The following CACNA2D1 variants were observed in gnomAD, a reference collection of about 807,000 sequenced individuals.
CACNA2D1 encodes voltage-dependent calcium channel subunit alpha-2/delta-1.
CACNA2D1 carries 53 observed loss-of-function variants against 171.5 expected under a neutral mutation model. The observed-to-expected ratio is 0.31, with a 90% confidence interval of 0.25 to 0.39. The LOEUF is 0.39. CACNA2D1 is among the 10% of genes least tolerant of loss of function. The pLI is 1.00. For missense variants in CACNA2D1, 903 were observed against 1,299.8 expected (o/e 0.69, Z 4.69); for synonymous variants, 442 against 443.1 (o/e 1.00, Z 0.03).
intron 6 of CACNA2D1, among the ~76,000 whole-genome samples, chr7:82,092,998 G>GT (rs113962217): frequency 0.041 from 6,263 of 150,924 alleles, 431 homozygotes; most frequent in African/African-American, 0.14. Context: ...AAAGTGTGTG[G>GT]TTTTTTTTTG....
At chr7:82,434,362 GA>G (rs752819750) in intron 1 of CACNA2D1, among the ~76,000 whole-genome samples, 20 of 152,148 alleles carry the variant, frequency 1.3e-4, no homozygotes, top group Admixed American at 2.6e-4. Context: ...TTTTTAAGTT[GA>G]GGGGTAAAAG....
intron 3 of CACNA2D1, among the ~76,000 whole-genome samples, chr7:82,297,801 A>C (rs1322634466): frequency 6.6e-6 from 1 of 152,178 alleles, no homozygotes; most frequent in Non-Finnish European, 1.5e-5. Flanking sequence ...CTATAAAACA[A>C]AACGACTAAT....
chr7:82,347,870 C>T (rs760361492), intron 2 of CACNA2D1, among the ~76,000 whole-genome samples: 2 of 152,112 alleles, frequency 1.3e-5, no homozygotes, highest in African/African-American at 2.4e-5. Flanking sequence ...AATATCTATA[C>T]TCTTCTTAGT....
chr7:82,265,421 T>C (rs1427884208), intron 3 of CACNA2D1, among the ~76,000 whole-genome samples: 2 of 147,846 alleles, frequency 1.4e-5, no homozygotes, highest in African/African-American at 5.0e-5. Flanking sequence ...CCTTTCTTTT[T>C]TTTTTTTTTT....
At chr7:82,039,086 C>A (rs1043306985) in intron 10 of CACNA2D1, among the ~76,000 whole-genome samples, 1 of 152,084 alleles carries the variant, frequency 6.6e-6, no homozygotes, top group Non-Finnish European at 1.5e-5. Flanking sequence ...TATTCAGGCT[C>A]TTGGCACCTA....
chr7:82,009,113 C>T (rs1434260813), intron 15 of CACNA2D1: 1 of 152,002 alleles, frequency 6.6e-6, no homozygotes, highest in Non-Finnish European at 1.5e-5. Context: ...ATGTTATTCT[C>T]GTGATAGTGA....
rs1011333605 is a variant in CACNA2D1, at chr7:82,326,642, A to G, written c.294+8493T>C. Reference sequence around the variant, plus strand: ...ACTTTCACTCTTCTCCATCTAAGTAACCAGCTCATTGACTCATGCCTCTAC... The same window carrying G: ...ACTTTCACTCTTCTCCATCTAAGTAGCCAGCTCATTGACTCATGCCTCTAC... On this transcript the variant is annotated intron_variant, in intron 3 of 38. Coordinates refer to ENST00000356860, the MANE Select transcript of CACNA2D1 (RefSeq NM_000722.4). Among the ~76,000 whole-genome samples, 8 of 108,590 alleles carry G rather than the reference A, an allele frequency of 7.4e-5. 1 individual carries two copies. Among genetic ancestry groups the G allele is most frequent in the African/African-American group, 1.7e-4 (6 of 34,466 alleles). 71.2% of individuals were successfully genotyped at this position (108,590 alleles called of 152,430 possible).
intron 4 of CACNA2D1, among the ~76,000 whole-genome samples, chr7:82,148,660 T>TG (rs538355280): frequency 8.5e-5 from 13 of 152,146 alleles, no homozygotes; most frequent in Non-Finnish European, 1.8e-4. Flanking sequence ...TTTTTGGAGA[T>TG]GGAGTTTTGC....
chr7:82,434,010 C>T (rs1829919783), intron 1 of CACNA2D1, among the ~76,000 whole-genome samples: 1 of 152,200 alleles, frequency 6.6e-6, no homozygotes, highest in African/African-American at 2.4e-5. Context: ...ATTCTACACT[C>T]AAGCTGGTTC....
At chr7:82,039,165 A>G (rs1295793097) in intron 10 of CACNA2D1, among the ~76,000 whole-genome samples, 1 of 152,212 alleles carries the variant, frequency 6.6e-6, no homozygotes, top group African/African-American at 2.4e-5. Context: ...GACTGGCCAG[A>G]TAAAATGTTA....
At chr7:82,017,203 T>C (rs1050194655) in intron 12 of CACNA2D1, among the ~76,000 whole-genome samples, 3 of 152,076 alleles carry the variant, frequency 2.0e-5, no homozygotes, top group African/African-American at 7.2e-5. Context: ...CTTATAAATA[T>C]ATATTCAGTT....
intron 7 of CACNA2D1, among the ~76,000 whole-genome samples, chr7:82,081,679 T>C (rs1809791883): frequency 6.6e-6 from 1 of 152,182 alleles, no homozygotes; most frequent in South Asian, 2.1e-4. Context: ...AGGACTTTTC[T>C]TGGTCACTTT....
At chr7:82,394,824 G>A (rs902806910) in intron 1 of CACNA2D1, among the ~76,000 whole-genome samples, 1 of 152,134 alleles carries the variant, frequency 6.6e-6, no homozygotes, top group African/African-American at 2.4e-5. Flanking sequence ...TTATTAGTGA[G>A]AATGTACATA....
chr7:82,261,207 G>A (rs1225958724), intron 3 of CACNA2D1, among the ~76,000 whole-genome samples: 17 of 152,098 alleles, frequency 1.1e-4, no homozygotes, highest in African/African-American at 4.1e-4. Flanking sequence ...TGCCCGCCTC[G>A]GCCTCCCACA....
chr7:82,361,899 T>G (rs1821122780), intron 1 of CACNA2D1, among the ~76,000 whole-genome samples: 2 of 152,182 alleles, frequency 1.3e-5, no homozygotes, highest in Non-Finnish European at 2.9e-5. Context: ...ATTATTAACA[T>G]AAAATGTGAA....
chr7:82,254,072 A>C (rs1020824953), intron 3 of CACNA2D1, among the ~76,000 whole-genome samples: 1 of 152,168 alleles, frequency 6.6e-6, no homozygotes, highest in Non-Finnish European at 1.5e-5. Flanking sequence ...GCTTCACTAC[A>C]TACTAAATAG....
chr7:82,152,010 T>C (rs1337275021), intron 4 of CACNA2D1, among the ~76,000 whole-genome samples: 2 of 151,944 alleles, frequency 1.3e-5, no homozygotes, highest in Non-Finnish European at 2.9e-5. Flanking sequence ...ACATAGCAGA[T>C]CTAGAAACAC....
At chr7:82,407,384 A>G (rs1827173046) in intron 1 of CACNA2D1, among the ~76,000 whole-genome samples, 1 of 152,236 alleles carries the variant, frequency 6.6e-6, no homozygotes, top group African/African-American at 2.4e-5. Flanking sequence ...CTTTACTTCT[A>G]TAAAATGTAA....
intron 6 of CACNA2D1, among the ~76,000 whole-genome samples, chr7:82,111,314 A>G: frequency 1.2e-5 from 1 of 80,018 alleles, no homozygotes; most frequent in South Asian, 4.6e-4. Context: ...ATATATATAT[A>G]CGTGTATATA....
Sources: gnomAD v4.1 joint callset for allele counts (sites outside exome capture counted in the v4.1 genomes callset) on GRCh38, gnomAD v4.1.1 for gene constraint, MANE v1.5 for transcripts, NCBI Gene and HGNC (gene_info 2026-07-23, HGNC 2026-07-21) for gene names.